NAA60: variants seen among roughly 807,000 people sequenced by gnomAD.
NAA60 encodes the protein N-alpha-acetyltransferase 60, NatF catalytic subunit, also known as N-alpha-acetyltransferase 60.
In NAA60, 8 loss-of-function variants were observed where a neutral mutation model predicts 26.1. That is an observed-to-expected ratio of 0.31 (90% confidence interval 0.18 to 0.55). The LOEUF (loss-of-function observed/expected upper bound fraction) is 0.55, where lower values mean the gene tolerates loss of function less well. Among genes scored for constraint, NAA60 ranks in the 20% least tolerant of loss-of-function variants. The pLI, the probability that NAA60 is intolerant of heterozygous loss-of-function variation, is 0.93. For synonymous variants in NAA60, 131 were observed against 122.5 expected (o/e 1.07, Z -0.46); for missense variants, 290 against 311.3 (o/e 0.93, Z 0.51).
chr16:3,451,523 A>T (rs2034782656), intron 2 of NAA60, among the ~76,000 whole-genome samples: 1 of 152,274 alleles, frequency 6.6e-6, no homozygotes, highest in Non-Finnish European at 1.5e-5. Flanking sequence ...ATTATAAAAG[A>T]TGACATATAA....
chr16:3,460,729 G>A (rs1596306714), intron 2 of NAA60, among the ~76,000 whole-genome samples: 1 of 152,290 alleles, frequency 6.6e-6, no homozygotes, highest in Non-Finnish European at 1.5e-5. Context: ...TGTGGACCCT[G>A]CATCGAAGCT....
At chr16:3,468,498 G>T (rs2035908355) in intron 2 of NAA60, among the ~76,000 whole-genome samples, 1 of 152,194 alleles carries the variant, frequency 6.6e-6, no homozygotes, top group Non-Finnish European at 1.5e-5. Flanking sequence ...GCCAGTCCTT[G>T]GAGGAAAGCA....
At chr16:3,444,935 T>C (rs937292031) in intron 1 of NAA60, among the ~76,000 whole-genome samples, 43 of 152,114 alleles carry the variant, frequency 2.8e-4, no homozygotes, top group African/African-American at 1.0e-3. Flanking sequence ...TGCACAAAAT[T>C]AGGGCTTTGT....
At chr16:3,469,717 C>T (rs1406246809) in intron 2 of NAA60, among the ~76,000 whole-genome samples, 1 of 152,278 alleles carries the variant, frequency 6.6e-6, no homozygotes, top group African/African-American at 2.4e-5. Flanking sequence ...GTTATCAGCA[C>T]TCTTGTCCCT....
chr16:3,473,300 A>G (rs1352031325), intron 2 of NAA60, among the ~76,000 whole-genome samples: 2 of 152,292 alleles, frequency 1.3e-5, no homozygotes, highest in East Asian at 1.9e-4. Flanking sequence ...ACCAGGTTTA[A>G]TGGACTCACG....
At chr16:3,476,698 A>G (rs1433146702) in intron 3 of NAA60, among the ~76,000 whole-genome samples, 2 of 152,152 alleles carry the variant, frequency 1.3e-5, no homozygotes, top group African/African-American at 2.4e-5. Flanking sequence ...TAAAAGTGCA[A>G]TATTATTCAG....
intron 2 of NAA60, among the ~76,000 whole-genome samples, chr16:3,463,796 T>C (rs976153194): frequency 1.3e-5 from 2 of 152,064 alleles, no homozygotes; most frequent in Admixed American, 6.6e-5. Context: ...CCTTGAACCC[T>C]AAAGTTCGAG....
intron 2 of NAA60, chr16:3,449,837 A>G: frequency 2.8e-6 from 1 of 361,912 alleles, no homozygotes; most frequent in Non-Finnish European, 4.9e-6. Flanking sequence ...ATGGTTTTTA[A>G]AAAGGGGAGT....
chr16:3,479,507 C>A lies in NAA60; in HGVS notation c.147C>A (p.Asn49Lys). The change falls in exon 4 of 8, where the codon AAC becomes AAA. Residue 49 changes from asparagine to lysine, a missense_variant. Coordinates refer to ENST00000407558, the MANE Select transcript of NAA60 (RefSeq NM_001083601.3). ...PDSWYRDITSNKKFFSLAATY... is the reference protein window; with the variant it reads ...PDSWYRDITSKKKFFSLAATY... Reference sequence around the variant, plus strand: ...CATGGTATCGTGATATCACATCCAACAAGAAGTTCTTTTCCCTTGCTGCAA... The same window carrying A: ...CATGGTATCGTGATATCACATCCAAAAAGAAGTTCTTTTCCCTTGCTGCAA... 6.2e-7 allele frequency: 1 copy of A among 1,614,008 alleles called. No individual in the cohort carries two copies. Among genetic ancestry groups the A allele is most frequent in the Non-Finnish European group, 8.5e-7 (1 of 1,179,880 alleles).
chr16:3,465,093 C>T (rs1379377126), intron 2 of NAA60, among the ~76,000 whole-genome samples: 6 of 151,988 alleles, frequency 3.9e-5, no homozygotes, highest in African/African-American at 7.3e-5. Flanking sequence ...GGGTGAAACC[C>T]CGTCTCTACT....
chr16:3,450,051 G>T, intron 2 of NAA60: 3 of 397,624 alleles, frequency 7.5e-6, no homozygotes, highest in Non-Finnish European at 1.3e-5. Flanking sequence ...AAAAGAAGAA[G>T]AAGGAACTAA....
intron 3 of NAA60, 133 bp downstream of exon 3, chr16:3,476,470 G>T: frequency 2.9e-6 from 2 of 698,994 alleles, no homozygotes; most frequent in East Asian, 5.6e-5. Flanking sequence ...GGGGCCACAG[G>T]GGTCCCAGGT....
Position 3,450,172 on chromosome 16 carries a change from A to T in NAA60, c.-7+1632A>T, listed in dbSNP as rs568357334. 3 of 366,364 alleles carry T rather than the reference A, an allele frequency of 8.2e-6. No individual in the cohort carries two copies. The East Asian group carries it at 1.1e-4, about 14-fold the overall frequency. 22.7% of individuals were successfully genotyped at this position (366,364 alleles called of 1,614,324 possible). A position where few individuals can be genotyped will look rare whatever the true frequency, so the allele number is the denominator to read the frequency against. On this transcript the variant is annotated intron_variant, in intron 2 of 7. Transcript: ENST00000407558. ...AAACCCTTCAGAACCATGAGTTGGG[A>T]TAATTCACTGTCCCTTGTGCTAGTC...
rs537397777 is a variant in NAA60, at chr16:3,476,200, T to TC, written c.-6-15dup. 1.9e-3 allele frequency: 2,946 copies of TC among 1,540,788 alleles called. 8 individuals carry two copies. Among genetic ancestry groups the TC allele is most frequent in the African/African-American group, 9.3e-3 (685 of 73,380 alleles). Reference sequence around the variant, plus strand: ...GAAGACCAGGCTGTGAGGTGACGCGTCCCCCCCACCCTTCCCCACAGGTGT... The same window carrying TC: ...GAAGACCAGGCTGTGAGGTGACGCGTCCCCCCCCACCCTTCCCCACAGGTGT... On this transcript the variant is annotated intron_variant, in intron 2 of 7. Coordinates refer to ENST00000407558, the MANE Select transcript of NAA60 (RefSeq NM_001083601.3).
chr16:3,456,669 T>A (rs2035010752), intron 2 of NAA60: 1 of 152,296 alleles, frequency 6.6e-6, no homozygotes, highest in East Asian at 1.9e-4. Context: ...TTGACAGTGA[T>A]CTGCCTGCTG....
chr16:3,447,148 T>C (rs1387990552), intron 1 of NAA60, among the ~76,000 whole-genome samples: 1 of 152,204 alleles, frequency 6.6e-6, no homozygotes, highest in East Asian at 1.9e-4. Flanking sequence ...GCCCCTATTC[T>C]TAAGTATATA....
At chr16:3,443,671 C>T (rs569833176), upstream of NAA60, 1,087 of 1,370,870 alleles carry the variant, frequency 7.9e-4, 1 homozygote, top group Non-Finnish European at 8.9e-4. Flanking sequence ...TTTCTCTAAG[C>T]AACCATTTCC....
chr16:3,447,412 TC>T (rs2034599956), intron 1 of NAA60: 1 of 960,018 alleles, frequency 1.0e-6, no homozygotes, highest in Non-Finnish European at 1.2e-6. Context: ...TGGGGTATCT[TC>T]CCTGGCGATG....
At chr16:3,462,731 A>G (rs908190018) in intron 2 of NAA60, 1 of 152,190 alleles carries the variant, frequency 6.6e-6, no homozygotes, top group Non-Finnish European at 1.5e-5. Context: ...TGTAAGCACA[A>G]GAAACCACTA....
Sources: allele counts gnomAD v4.1 joint callset (sites outside exome capture counted in the v4.1 genomes callset), GRCh38; gene constraint gnomAD v4.1.1; transcripts MANE v1.5; gene names NCBI Gene and HGNC (gene_info 2026-07-23, HGNC 2026-07-21).